The following MMS22L variants were observed in gnomAD, a reference collection of about 807,000 sequenced individuals.
The protein encoded by MMS22L is MMS22 like, DNA repair protein, also known as protein MMS22-like.
MMS22L carries 74 observed loss-of-function variants against 159.1 expected under a neutral mutation model. The ratio of observed to expected loss-of-function variants is 0.47; its 90% CI spans 0.39 to 0.56. The LOEUF (loss-of-function observed/expected upper bound fraction) is 0.56, where lower values mean the gene tolerates loss of function less well. Ranked by LOEUF, MMS22L falls within the 20% of genes least tolerant of loss-of-function variation. The probability of loss-of-function intolerance (pLI) is 0.00; values close to 1 mark genes in which losing one functional copy is unlikely to be tolerated. For missense variants in MMS22L, 1,351 were observed against 1,422.1 expected (o/e 0.95, Z 0.80); for synonymous variants, 517 against 506.9 (o/e 1.02, Z -0.27).
rs1186671611 is a variant in MMS22L, at chr6:97,142,961, T to C, written c.*3845A>G. On this transcript the variant is annotated 3_prime_UTR_variant, in exon 25 of 25. Transcript: ENST00000683635. ...GCTTAAGAAGAAAACATACGAAGGATAGGTAAAGATATACAAGTTTTAAAC... is the reference window on the plus strand; with the variant it reads ...GCTTAAGAAGAAAACATACGAAGGACAGGTAAAGATATACAAGTTTTAAAC... The C allele has an allele frequency of 1.3e-5, 2 of 152,604 alleles. No homozygotes were observed. The highest frequency in any genetic ancestry group is 4.8e-5 in the African/African-American group (2 of 41,552). 9.5% of individuals were successfully genotyped at this position (152,604 alleles called of 1,614,324 possible). A position where few individuals can be genotyped will look rare whatever the true frequency, so the allele number is the denominator to read the frequency against.
chr6:97,255,810 C>T (rs1011685207), intron 9 of MMS22L, among the ~76,000 whole-genome samples: 5 of 152,090 alleles, frequency 3.3e-5, no homozygotes. Flanking sequence ...CTACGGTTAA[C>T]ACCATGTTAT....
At chr6:97,168,877 T>C (rs189483361) in intron 19 of MMS22L, among the ~76,000 whole-genome samples, 16 of 152,184 alleles carry the variant, frequency 1.1e-4, no homozygotes, top group Admixed American at 9.8e-4. Flanking sequence ...AAGAATACTG[T>C]AGGATTATAC....
chr6:97,235,822 A>G (rs138138075), intron 11 of MMS22L, among the ~76,000 whole-genome samples: 1 of 152,320 alleles, frequency 6.6e-6, no homozygotes, highest in Admixed American at 6.5e-5. Flanking sequence ...GATCCAGTGC[A>G]CGAGGGAAGG....
At chr6:97,253,558 C>G (rs562587543) in intron 10 of MMS22L, 1 of 149,956 alleles carries the variant, frequency 6.7e-6, no homozygotes, top group Non-Finnish European at 1.5e-5. Flanking sequence ...TCTCCGGGTT[C>G]AAGCAATTCT....
intron 11 of MMS22L, among the ~76,000 whole-genome samples, chr6:97,243,597 T>C (rs1225387871): frequency 6.6e-6 from 1 of 152,196 alleles, no homozygotes; most frequent in Non-Finnish European, 1.5e-5. Context: ...CAGAGATTTC[T>C]TCTTGGTTTG....
chr6:97,212,222 T>C (rs906944052), intron 14 of MMS22L, among the ~76,000 whole-genome samples: 1 of 152,226 alleles, frequency 6.6e-6, no homozygotes, highest in Non-Finnish European at 1.5e-5. Context: ...TGGCAGGTAC[T>C]TGATGGGCAC....
At chr6:97,151,714 TTGGCTGTCAAA>T (rs1265455020) in intron 23 of MMS22L, 46 bp downstream of exon 23, 3 of 1,302,520 alleles carry the variant, frequency 2.3e-6, no homozygotes, top group Non-Finnish European at 3.3e-6. Flanking sequence ...AAAAAACATG[TTGGCTGTCAAA>T]TGGCTGGCAA....
chr6:97,237,893 A>T (rs1057394136), intron 11 of MMS22L, among the ~76,000 whole-genome samples: 5 of 152,190 alleles, frequency 3.3e-5, no homozygotes, highest in African/African-American at 1.2e-4. Flanking sequence ...TTTATAAGGT[A>T]AAAAAGTAGG....
intron 14 of MMS22L, among the ~76,000 whole-genome samples, chr6:97,216,711 G>T (rs544561218): frequency 1.3e-5 from 2 of 152,284 alleles, no homozygotes; most frequent in South Asian, 4.1e-4. Context: ...CAAACTCATT[G>T]CTGAATTTCA....
chr6:97,142,226 T>G lies in MMS22L; in HGVS notation c.*4580A>C, dbSNP rs1800673831. On this transcript the variant is annotated 3_prime_UTR_variant, in exon 25 of 25. Transcript: ENST00000683635. ...CATATGCACAAATAACTCATAAATATGTATATAAAACTAAAATGTCCACAA... is the reference window on the plus strand; with the variant it reads ...CATATGCACAAATAACTCATAAATAGGTATATAAAACTAAAATGTCCACAA... 1 of 151,900 alleles carries G rather than the reference T, an allele frequency of 6.6e-6. No homozygotes were observed. Among genetic ancestry groups the G allele is most frequent in the East Asian group, 1.9e-4 (1 of 5,202 alleles). 9.4% of individuals were successfully genotyped at this position (151,900 alleles called of 1,614,324 possible).
chr6:97,158,452 C>A (rs1802084503), intron 22 of MMS22L, among the ~76,000 whole-genome samples: 1 of 152,130 alleles, frequency 6.6e-6, no homozygotes, highest in African/African-American at 2.4e-5. Context: ...GCATTTAGTG[C>A]TATAAATTTC....
chr6:97,267,746 T>C (rs887814115), intron 8 of MMS22L, 126 bp downstream of exon 8: 11 of 834,004 alleles, frequency 1.3e-5, no homozygotes, highest in Non-Finnish European at 1.8e-5. Context: ...TCCCAGATAA[T>C]AGCAACTAAA....
At chr6:97,267,079 GTA>G (rs1470375455) in intron 8 of MMS22L, 1 of 152,024 alleles carries the variant, frequency 6.6e-6, no homozygotes, top group Non-Finnish European at 1.5e-5. Flanking sequence ...AAAACATGAT[GTA>G]TATGATAAAT....
rs1276722194 is a variant in MMS22L at position 97,143,392 on chromosome 6, G to A, written c.*3414C>T. On this transcript the variant is annotated 3_prime_UTR_variant, in exon 25 of 25. Transcript: ENST00000683635. ...AGATAAGCTTGAAGATAAAGGTACAGTCAGATAGGTGGCAGAAAGTCTCCA... is the reference window on the plus strand; with the variant it reads ...AGATAAGCTTGAAGATAAAGGTACAATCAGATAGGTGGCAGAAAGTCTCCA... 2 of 152,196 alleles carry A rather than the reference G, an allele frequency of 1.3e-5. No individual in the cohort carries two copies. The highest frequency in any genetic ancestry group is 2.9e-5 in the Non-Finnish European group (2 of 68,050). The allele number at this position is 152,196 out of a possible 1,614,324, so 9.4% of individuals were successfully genotyped here. A position where few individuals can be genotyped will look rare whatever the true frequency, so the allele number is the denominator to read the frequency against.
intron 8 of MMS22L, chr6:97,263,813 A>C (rs1443815319): frequency 6.5e-6 from 1 of 154,728 alleles, no homozygotes; most frequent in Non-Finnish European, 1.4e-5. Flanking sequence ...GGTTCACGCC[A>C]TTCTCCCGCC....
In MMS22L at chr6:97,231,658, AG is replaced by A. The variant is rs748220670; in HGVS notation, c.1303-7del. The A allele has an allele frequency of 1.3e-6, 2 of 1,514,250 alleles. No homozygotes were observed. Among genetic ancestry groups the A allele is most frequent in the Non-Finnish European group, 9.0e-7 (1 of 1,116,016 alleles). 93.8% of individuals were successfully genotyped at this position (1,514,250 alleles called of 1,614,324 possible). On this transcript the variant is annotated splice_polypyrimidine_tract_variant and splice_region_variant and intron_variant, in intron 12 of 24. Transcript: ENST00000683635. ...GAAATACTGAAGGAACTATTCTAAA[AG>A]GGGGGAAAAAAAAGATAGAAAACAA...
intron 15 of MMS22L, among the ~76,000 whole-genome samples, chr6:97,184,442 G>A (rs942108830): frequency 2.6e-5 from 4 of 151,818 alleles, no homozygotes; most frequent in Non-Finnish European, 5.9e-5. Flanking sequence ...TGAACTCTAG[G>A]ATCATTATCT....
chr6:97,191,574 T>G (rs1805868551), intron 14 of MMS22L, among the ~76,000 whole-genome samples: 1 of 152,172 alleles, frequency 6.6e-6, no homozygotes, highest in Admixed American at 6.5e-5. Context: ...GCAAACATGG[T>G]AACTTTAAAA....
chr6:97,190,400 T>C lies in MMS22L; in HGVS notation c.2040-3710A>G, dbSNP rs80270735. ...TCCCAACACTTGGCAATTGTTTTAT[T>C]TGAGTAAAGACAGATTTCACATTAA... On this transcript the variant is annotated intron_variant, in intron 14 of 24. Coordinates refer to ENST00000683635, the MANE Select transcript of MMS22L (RefSeq NM_001350599.2). 1.2e-3 allele frequency among the ~76,000 whole-genome samples: 183 copies of C among 152,328 alleles called. 4 individuals carry two copies. In the East Asian group the frequency reaches 0.033, roughly 28 times the overall value.
Sources: gnomAD v4.1 joint callset for allele counts (sites outside exome capture counted in the v4.1 genomes callset) on GRCh38, gnomAD v4.1.1 for gene constraint, MANE v1.5 for transcripts, NCBI Gene and HGNC (gene_info 2026-07-23, HGNC 2026-07-21) for gene names.